Variants in PLD5 observed in about 807,000 individuals in gnomAD.
The protein encoded by PLD5 is phospholipase D family member 5.
PLD5 carries 36 observed loss-of-function variants against 61.1 expected under a neutral mutation model. The ratio of observed to expected loss-of-function variants is 0.59; its 90% CI spans 0.45 to 0.78. The LOEUF (loss-of-function observed/expected upper bound fraction) is 0.78, where lower values mean the gene tolerates loss of function less well. Among genes scored for constraint, PLD5 ranks in the 30% least tolerant of loss-of-function variants. PLD5 has a pLI of 0.00. For synonymous variants in PLD5, 243 were observed against 242.8 expected (o/e 1.00, Z -0.01); for missense variants, 515 against 644.4 (o/e 0.80, Z 2.17).
At chr1:242,359,878 C>T (rs115976828) in intron 1 of PLD5, among the ~76,000 whole-genome samples, 3,235 of 152,234 alleles carry the variant, frequency 0.021, 50 homozygotes, top group East Asian at 0.033. Flanking sequence ...CCTGTATTTA[C>T]ATGCCTCATA....
intron 1 of PLD5, among the ~76,000 whole-genome samples, chr1:242,506,492 A>T (rs999684871): frequency 3.3e-5 from 5 of 152,160 alleles, no homozygotes; most frequent in Non-Finnish European, 7.3e-5. Flanking sequence ...CGTGAGGAAT[A>T]ATGAGCTTCC....
At chr1:242,200,233 C>A (rs1405747112) in intron 5 of PLD5, among the ~76,000 whole-genome samples, 1 of 152,200 alleles carries the variant, frequency 6.6e-6, no homozygotes, top group Non-Finnish European at 1.5e-5. Context: ...TACCTGAATT[C>A]CAAAATGCCT....
chr1:242,139,606 C>T (rs1196495086), intron 5 of PLD5, among the ~76,000 whole-genome samples: 3 of 152,190 alleles, frequency 2.0e-5, no homozygotes, highest in Middle Eastern at 3.4e-3. Context: ...TTCCTGCACA[C>T]GGGCTCCTCT....
At chr1:242,101,277 C>A (rs917824519) in intron 8 of PLD5, among the ~76,000 whole-genome samples, 20 of 151,618 alleles carry the variant, frequency 1.3e-4, no homozygotes, top group Non-Finnish European at 2.5e-4. Flanking sequence ...TGTCTGAACA[C>A]CTAAGTCTAG....
rs150496664 is a variant in PLD5, at chr1:242,295,899, A to G, written c.327-7369T>C. Among the ~76,000 whole-genome samples the G allele has an allele frequency of 0.017, 2,642 of 152,316 alleles. 157 individuals carry two copies. The East Asian group carries it at 0.19, about 11-fold the overall frequency. On this transcript the variant is annotated intron_variant, in intron 2 of 9. Transcript: ENST00000536534. ...GCGTTTCTCTGATAATTAGAAATGT[A>G]TATTTTTATAAAATATGATACTTTC...
chr1:242,143,763 T>TAG (rs1664345212), intron 5 of PLD5, among the ~76,000 whole-genome samples: 2 of 152,128 alleles, frequency 1.3e-5, no homozygotes, highest in South Asian at 2.1e-4. Flanking sequence ...AACACATGAC[T>TAG]AGAGGGGGCT....
Position 242,221,359 on chromosome 1 carries a change from C to T in PLD5, c.608-1244G>A, listed in dbSNP as rs964616221. ...TGTGTCTTCAGGTATTTATTATTAA[C>T]GAAGACGATGTATTCCAGGGGCACA... On this transcript the variant is annotated intron_variant, in intron 4 of 9. Transcript: ENST00000536534. Among the ~76,000 whole-genome samples the T allele has an allele frequency of 1.3e-4, 20 of 152,296 alleles. 1 individual carries two copies. The highest frequency in any genetic ancestry group is 7.7e-4 in the East Asian group (4 of 5,186).
chr1:242,247,724 G>A (rs897630874), intron 4 of PLD5, among the ~76,000 whole-genome samples: 2 of 152,122 alleles, frequency 1.3e-5, no homozygotes. Flanking sequence ...AGGCTGGGGG[G>A]CTTGGGATTT....
intron 2 of PLD5, among the ~76,000 whole-genome samples, chr1:242,337,469 A>T (rs1196286532): frequency 7.2e-5 from 11 of 152,104 alleles, no homozygotes; most frequent in African/African-American, 2.2e-4. Context: ...CGTCTCTACT[A>T]AAAATACAAA....
chr1:242,343,430 G>A (rs577042010), intron 2 of PLD5, among the ~76,000 whole-genome samples: 22 of 152,166 alleles, frequency 1.4e-4, no homozygotes, highest in African/African-American at 5.3e-4. Context: ...AGTCCAGGGA[G>A]GTTAGCTCCA....
intron 5 of PLD5, among the ~76,000 whole-genome samples, chr1:242,161,322 G>A (rs1219097892): frequency 5.9e-5 from 9 of 152,158 alleles, no homozygotes; most frequent in South Asian, 4.1e-4. Context: ...ATCAGATCTC[G>A]TGAGACTTAT....
chr1:242,430,787 A>G (rs1207591740), intron 1 of PLD5, among the ~76,000 whole-genome samples: 2 of 152,132 alleles, frequency 1.3e-5, no homozygotes, highest in Non-Finnish European at 2.9e-5. Context: ...TTGCTAGCTC[A>G]CAGCTTTGAG....
upstream of PLD5, among the ~76,000 whole-genome samples, chr1:242,529,611 C>T (rs1250858763): frequency 1.3e-5 from 2 of 152,136 alleles, no homozygotes; most frequent in Admixed American, 6.5e-5. Flanking sequence ...TGCTTGGGTA[C>T]ATCTCTGCTG....
intron 6 of PLD5, among the ~76,000 whole-genome samples, chr1:242,121,476 CA>C (rs1662352439): frequency 2.6e-5 from 4 of 151,922 alleles, no homozygotes; most frequent in South Asian, 4.2e-4. Flanking sequence ...AATTGAAATT[CA>C]AAGGCAGGCT....
In PLD5 at chr1:242,180,614, C is replaced by T. The variant is rs140093327; in HGVS notation, c.735+39374G>A. Among the ~76,000 whole-genome samples the T allele has an allele frequency of 1.6e-4, 25 of 152,212 alleles. No homozygotes were observed. The East Asian group carries it at 4.4e-3, about 27-fold the overall frequency. On this transcript the variant is annotated intron_variant, in intron 5 of 9. Coordinates refer to ENST00000536534, the MANE Select transcript of PLD5 (RefSeq NM_001372062.1). The stretch of plus-strand genomic sequence containing the variant: ...AAACTTGAATGTCCATAGGAATCAC[C>T]TGGACGGCTTGTTAGAACTAAATTT...
intron 1 of PLD5, among the ~76,000 whole-genome samples, chr1:242,442,722 C>T (rs1302000677): frequency 6.6e-6 from 1 of 152,164 alleles, no homozygotes; most frequent in Non-Finnish European, 1.5e-5. Flanking sequence ...ACACTCCATA[C>T]AAAGAAGAGA....
chr1:242,129,560 A>T (rs1663067555), intron 5 of PLD5, among the ~76,000 whole-genome samples: 1 of 152,196 alleles, frequency 6.6e-6, no homozygotes, highest in South Asian at 2.1e-4. Context: ...AATAATATAG[A>T]GATCTGGGTT....
intron 5 of PLD5, among the ~76,000 whole-genome samples, chr1:242,219,365 G>A (rs1222915630): frequency 6.6e-6 from 1 of 152,092 alleles, no homozygotes; most frequent in Non-Finnish European, 1.5e-5. Flanking sequence ...ATGCTGGAGT[G>A]TTGATTTAAA....
At chr1:242,481,529 C>T (rs987164854) in intron 1 of PLD5, among the ~76,000 whole-genome samples, 1 of 152,218 alleles carries the variant, frequency 6.6e-6, no homozygotes, top group Non-Finnish European at 1.5e-5. Context: ...CCTGCCATTG[C>T]TGAGGCTTGA....
Sources: gnomAD v4.1 joint callset for allele counts (sites outside exome capture counted in the v4.1 genomes callset) on GRCh38, gnomAD v4.1.1 for gene constraint, MANE v1.5 for transcripts, NCBI Gene and HGNC (gene_info 2026-07-23, HGNC 2026-07-21) for gene names.